Variants in CFDP1 observed in about 807,000 individuals in gnomAD.
CFDP1 encodes the protein heterochromatin-stabilizing protein CFDP1.
Under a neutral mutation model 40.1 loss-of-function variants are expected in CFDP1, and 31 were observed. That is an observed-to-expected ratio of 0.77 (90% CI 0.58 to 1.04). The LOEUF (loss-of-function observed/expected upper bound fraction) is 1.04, where lower values mean the gene tolerates loss of function less well. Among genes scored for constraint, CFDP1 ranks in the 50% least tolerant of loss-of-function variants. The pLI is 0.00. For missense variants in CFDP1, 423 were observed against 343.4 expected (o/e 1.23, Z -1.83); for synonymous variants, 167 against 120.0 (o/e 1.39, Z -2.56).
intron 5 of CFDP1, among the ~76,000 whole-genome samples, chr16:75,380,524 G>C (rs1210406968): frequency 1.3e-5 from 2 of 151,600 alleles, no homozygotes; most frequent in African/African-American, 4.9e-5. Flanking sequence ...AAAGTGGAAA[G>C]TCAATGCATC....
At position 75,293,862 on chromosome 16, in the gene CFDP1, A is replaced by G; in HGVS notation, c.*90T>C. The stretch of plus-strand genomic sequence containing the variant: ...AAAAAAAGACCTTGCTGGGAAACAG[A>G]TGATGAGAAACACTGTAAAACATTT... On this transcript the variant is annotated 3_prime_UTR_variant, in exon 7 of 7. Coordinates refer to ENST00000283882, the MANE Select transcript of CFDP1 (RefSeq NM_006324.3). 9.6e-7 allele frequency: 1 copy of G among 1,041,196 alleles called. No homozygotes were observed. The highest frequency in any genetic ancestry group is 1.4e-6 in the Non-Finnish European group (1 of 691,720). 64.5% of individuals were successfully genotyped at this position (1,041,196 alleles called of 1,614,324 possible).
At chr16:75,432,780 GAA>G (rs2079438407) in intron 1 of CFDP1, among the ~76,000 whole-genome samples, 1 of 152,230 alleles carries the variant, frequency 6.6e-6, no homozygotes, top group African/African-American at 2.4e-5. Flanking sequence ...CCTAAGGAAA[GAA>G]AGTTCTGAGA....
chr16:75,406,664 G>T (rs948191785), intron 4 of CFDP1: 12 of 151,780 alleles, frequency 7.9e-5, no homozygotes, highest in African/African-American at 2.7e-4. Flanking sequence ...TTGCGCCACT[G>T]CACTCCAGGC....
chr16:75,305,001 G>C, intron 6 of CFDP1, 23 bp downstream of exon 6: 1 of 1,610,406 alleles, frequency 6.2e-7, no homozygotes, highest in Non-Finnish European at 8.5e-7. Flanking sequence ...ATTTTCCAAG[G>C]CATAAAACCT....
At chr16:75,366,034 A>AT (rs1450031438) in intron 5 of CFDP1, among the ~76,000 whole-genome samples, 7 of 152,230 alleles carry the variant, frequency 4.6e-5, no homozygotes, top group African/African-American at 1.7e-4. Flanking sequence ...ACTCCTAGGT[A>AT]TCAATCCTAG....
chr16:75,393,832 G>A (rs1222418322), intron 5 of CFDP1, among the ~76,000 whole-genome samples: 1 of 150,628 alleles, frequency 6.6e-6, no homozygotes, highest in Non-Finnish European at 1.5e-5. Flanking sequence ...AGCCAAGGAG[G>A]GCAGATCACG....
chr16:75,387,821 A>G (rs954820316), intron 5 of CFDP1, among the ~76,000 whole-genome samples: 2 of 151,450 alleles, frequency 1.3e-5, no homozygotes, highest in Non-Finnish European at 2.9e-5. Context: ...CCTGGAACTT[A>G]TTTTTTAAAA....
chr16:75,405,641 C>T (rs1302900296), intron 4 of CFDP1, among the ~76,000 whole-genome samples: 1 of 151,848 alleles, frequency 6.6e-6, no homozygotes, highest in South Asian at 2.1e-4. Context: ...AGTCCAGCTA[C>T]TCAGGAAGCT....
chr16:75,410,034 C>T (rs1331164181), intron 4 of CFDP1, among the ~76,000 whole-genome samples: 2 of 101,980 alleles, frequency 2.0e-5, no homozygotes, highest in Non-Finnish European at 1.7e-5. Context: ...CCAGCCTAGG[C>T]AACACAGCAA....
At chr16:75,398,730 T>C (rs554016459) in intron 4 of CFDP1, among the ~76,000 whole-genome samples, 1 of 152,316 alleles carries the variant, frequency 6.6e-6, no homozygotes, top group Admixed American at 6.5e-5. Flanking sequence ...TGTTTGAGCC[T>C]TCCCAGCTCT....
chr16:75,413,872 T>C (rs1468361453), intron 2 of CFDP1, among the ~76,000 whole-genome samples: 1 of 152,198 alleles, frequency 6.6e-6, no homozygotes, highest in Non-Finnish European at 1.5e-5. Context: ...ATTTTTAAAA[T>C]TTAATTGCAT....
rs2078162082 is a variant in CFDP1 at position 75,293,762 on chromosome 16, A to T, written c.*190T>A. The T allele has an allele frequency of 1.7e-6, 1 of 576,580 alleles. No individual in the cohort carries two copies. Among genetic ancestry groups the T allele is most frequent in the South Asian group, 2.2e-5 (1 of 46,354 alleles). The allele number at this position is 576,580 out of a possible 1,614,324, so 35.7% of individuals were successfully genotyped here. A position where few individuals can be genotyped will look rare whatever the true frequency, so the allele number is the denominator to read the frequency against. ...AACTTTTATTTTATTTATTCATTTA[A>T]GGACAAATTTTTAAAAGTAAAGTGA... On this transcript the variant is annotated 3_prime_UTR_variant, in exon 7 of 7. Coordinates refer to ENST00000283882, the MANE Select transcript of CFDP1 (RefSeq NM_006324.3).
At chr16:75,410,138 A>C (rs1019967042) in intron 4 of CFDP1, among the ~76,000 whole-genome samples, 1 of 151,270 alleles carries the variant, frequency 6.6e-6, no homozygotes, top group African/African-American at 2.4e-5. Flanking sequence ...ATATAGCTTC[A>C]CTAGATAAAT....
At chr16:75,341,840 C>T (rs1439999099) in intron 5 of CFDP1, among the ~76,000 whole-genome samples, 1 of 152,044 alleles carries the variant, frequency 6.6e-6, no homozygotes, top group Non-Finnish European at 1.5e-5. Context: ...AGCCAGGTAA[C>T]GAGGCAGTGT....
At chr16:75,344,639 G>T (rs2078549542) in intron 5 of CFDP1, among the ~76,000 whole-genome samples, 1 of 152,164 alleles carries the variant, frequency 6.6e-6, no homozygotes, top group South Asian at 2.1e-4. Flanking sequence ...ACATCATTTA[G>T]AAAGAACATC....
chr16:75,304,904 C>G, intron 6 of CFDP1, 120 bp downstream of exon 6: 3 of 1,081,456 alleles, frequency 2.8e-6, no homozygotes, highest in Non-Finnish European at 4.0e-6. Flanking sequence ...AAAGTGCTCA[C>G]ATTTTTAGTT....
chr16:75,307,197 C>T (rs2078264622), intron 5 of CFDP1, among the ~76,000 whole-genome samples: 1 of 152,066 alleles, frequency 6.6e-6, no homozygotes, highest in Non-Finnish European at 1.5e-5. Context: ...TGTCTCTTCA[C>T]TGACCCCTTT....
intron 4 of CFDP1, among the ~76,000 whole-genome samples, chr16:75,405,746 T>C (rs1035330267): frequency 2.5e-4 from 26 of 104,134 alleles, no homozygotes; most frequent in African/African-American, 8.5e-4. Context: ...TGAGACTCCA[T>C]CTCAAAAAAA....
intron 5 of CFDP1, among the ~76,000 whole-genome samples, chr16:75,363,924 G>A (rs981148015): frequency 1.5e-4 from 22 of 144,544 alleles, no homozygotes; most frequent in South Asian, 2.2e-4. Context: ...ATAGTCTAGT[G>A]GGGGAGAAAA....
Sources: allele counts gnomAD v4.1 joint callset (sites outside exome capture counted in the v4.1 genomes callset), GRCh38; gene constraint gnomAD v4.1.1; transcripts MANE v1.5; gene names NCBI Gene and HGNC (gene_info 2026-07-23, HGNC 2026-07-21).